EPHB2: variants seen among roughly 807,000 people sequenced by gnomAD.
EPHB2 encodes ephrin type-B receptor 2.
Under a neutral mutation model 96.4 loss-of-function variants are expected in EPHB2, and 18 were observed. That is an observed-to-expected ratio of 0.19 (90% CI 0.13 to 0.28). The LOEUF is 0.28. EPHB2 is among the 10% of genes least tolerant of loss of function. EPHB2 has a pLI of 1.00. For synonymous variants in EPHB2, 506 were observed against 534.1 expected (o/e 0.95, Z 0.72); for missense variants, 989 against 1,355.4 (o/e 0.73, Z 4.25).
At chr1:22,851,434 G>A (rs1645624186) in intron 3 of EPHB2, among the ~76,000 whole-genome samples, 1 of 152,216 alleles carries the variant, frequency 6.6e-6, no homozygotes, top group Admixed American at 6.5e-5. Flanking sequence ...GGGAGAGCAA[G>A]GGAGAAAGCC....
intron 1 of EPHB2, among the ~76,000 whole-genome samples, chr1:22,749,251 C>T (rs958289128): frequency 6.6e-6 from 1 of 152,122 alleles, no homozygotes; most frequent in African/African-American, 2.4e-5. Flanking sequence ...GAACTCCTGA[C>T]CTCAAGCGAT....
chr1:22,722,783 C>T (rs899910174), intron 1 of EPHB2, among the ~76,000 whole-genome samples: 3 of 152,204 alleles, frequency 2.0e-5, no homozygotes, highest in Non-Finnish European at 4.4e-5. Context: ...AACAGTGTTA[C>T]CTTGGCCCTC....
intron 3 of EPHB2, among the ~76,000 whole-genome samples, chr1:22,850,031 C>G (rs1376462921): frequency 6.6e-6 from 1 of 152,210 alleles, no homozygotes; most frequent in African/African-American, 2.4e-5. Flanking sequence ...TAATTGTGTC[C>G]TTTATTAATG....
At chr1:22,731,754 C>T (rs1426738125) in intron 1 of EPHB2, among the ~76,000 whole-genome samples, 1 of 152,124 alleles carries the variant, frequency 6.6e-6, no homozygotes, top group African/African-American at 2.4e-5. Flanking sequence ...GCAGGAGAAT[C>T]GCTTGAACCC....
intron 3 of EPHB2, among the ~76,000 whole-genome samples, chr1:22,811,693 T>C (rs1415744232): frequency 1.3e-5 from 2 of 152,122 alleles, no homozygotes; most frequent in African/African-American, 2.4e-5. Context: ...TTTCGGACCA[T>C]GTACAGGAGG....
intron 3 of EPHB2, among the ~76,000 whole-genome samples, chr1:22,845,375 T>G (rs1203147711): frequency 6.6e-6 from 1 of 152,220 alleles, no homozygotes; most frequent in East Asian, 1.9e-4. Flanking sequence ...TGGCCGCTTT[T>G]GGAACTAAAG....
intron 3 of EPHB2, among the ~76,000 whole-genome samples, chr1:22,853,938 A>C (rs922966706): frequency 6.6e-5 from 10 of 152,180 alleles, no homozygotes; most frequent in African/African-American, 1.9e-4. Flanking sequence ...TCATGCAGCT[A>C]CCCACCTCAG....
At chr1:22,882,012 G>A (rs745621036) in intron 5 of EPHB2, among the ~76,000 whole-genome samples, 5 of 152,108 alleles carry the variant, frequency 3.3e-5, no homozygotes, top group African/African-American at 7.2e-5. Context: ...AATGGGAGGC[G>A]GAAATAACTG....
chr1:22,800,820 A>G (rs1458225894), intron 3 of EPHB2, among the ~76,000 whole-genome samples: 1 of 151,830 alleles, frequency 6.6e-6, no homozygotes, highest in Admixed American at 6.6e-5. Flanking sequence ...TCTGGGGACC[A>G]AGATATGTCA....
intron 3 of EPHB2, among the ~76,000 whole-genome samples, chr1:22,795,314 T>C (rs1644751829): frequency 6.6e-6 from 1 of 152,194 alleles, no homozygotes; most frequent in African/African-American, 2.4e-5. Flanking sequence ...AATCAACATC[T>C]GTTTGATTCC....
At chr1:22,854,684 G>T (rs1184261591) in intron 3 of EPHB2, among the ~76,000 whole-genome samples, 1 of 152,140 alleles carries the variant, frequency 6.6e-6, no homozygotes, top group African/African-American at 2.4e-5. Flanking sequence ...CATGGACCAG[G>T]GAGGCTCCTG....
rs79556474 is a variant in EPHB2, at chr1:22,719,700, C to T, written c.61+8657C>T. 566 of 152,294 alleles carry T rather than the reference C, an allele frequency of 3.7e-3. 14 individuals carry two copies. The East Asian group carries it at 0.064, about 17-fold the overall frequency. 9.4% of individuals were successfully genotyped at this position (152,294 alleles called of 1,614,324 possible). On this transcript the variant is annotated intron_variant, in intron 1 of 15. Transcript: ENST00000374630. ...GCTTCCCGAGCCTCAGCTCTCTCTT[C>T]TATAAAATGACAGGGGTGAGACTCA...
At chr1:22,757,900 A>G (rs543880957) in intron 1 of EPHB2, among the ~76,000 whole-genome samples, 82 of 135,582 alleles carry the variant, frequency 6.0e-4, no homozygotes, top group African/African-American at 2.2e-3. Flanking sequence ...CACTATGTGT[A>G]AGCTATGCTT....
chr1:22,789,711 T>C (rs1311589273), intron 3 of EPHB2, among the ~76,000 whole-genome samples: 1 of 151,756 alleles, frequency 6.6e-6, no homozygotes, highest in East Asian at 1.9e-4. Context: ...TCTGAGTGGG[T>C]GGATAGGAGA....
chr1:22,847,414 T>C lies in EPHB2; in HGVS notation c.812-15623T>C, dbSNP rs1035134973. The stretch of plus-strand genomic sequence containing the variant: ...CAGCTGCTCAATAAATGGTGGCTGC[T>C]GTTGTTAATAGGTGCTCAGTTCGTT... On this transcript the variant is annotated intron_variant, in intron 3 of 15. Transcript: ENST00000374630. 2.0e-5 allele frequency among the ~76,000 whole-genome samples: 3 copies of C among 152,316 alleles called. No homozygotes were observed. In the East Asian group the frequency reaches 5.8e-4, roughly 29 times the overall value.
Position 22,908,152 on chromosome 1 carries a change from C to T in EPHB2, c.2336C>T (p.Thr779Ile). Residue 779 changes from threonine to isoleucine, a missense_variant, in exon 12 of 16, where the codon ACC (threonine) becomes ATC (isoleucine). By Grantham distance (89) the Thr-to-Ile change is moderately conservative (BLOSUM62 -1). Coordinates refer to ENST00000374630, the MANE Select transcript of EPHB2 (RefSeq NM_017449.5). ...RFLEDDTSDPTYTSALGGKIP... is the reference protein window; with the variant it reads ...RFLEDDTSDPIYTSALGGKIP... ...CTAGAGGACGATACCTCAGACCCCA[C>T]CTACACCAGTGCCCTGGTAAGATGG... 1 of 1,614,250 alleles carries T rather than the reference C, an allele frequency of 6.2e-7. No homozygotes were observed. The highest frequency in any genetic ancestry group is 8.5e-7 in the Non-Finnish European group (1 of 1,180,050).
At chr1:22,817,513 C>T (rs893966) in intron 3 of EPHB2, among the ~76,000 whole-genome samples, 36,003 of 152,208 alleles carry the variant, frequency 0.24, 4,699 homozygotes, top group East Asian at 0.54. Flanking sequence ...CAGGCTCCTT[C>T]CTGTTCAGAA....
intron 6 of EPHB2, chr1:22,891,068 G>C: frequency 2.2e-6 from 1 of 455,990 alleles, no homozygotes; most frequent in African/African-American, 2.0e-5. Flanking sequence ...TATACCTATT[G>C]ATTCATTTTA....
At chr1:22,820,206 A>G (rs1262258332) in intron 3 of EPHB2, among the ~76,000 whole-genome samples, 1 of 152,198 alleles carries the variant, frequency 6.6e-6, no homozygotes, top group East Asian at 1.9e-4. Context: ...TCTTTCTGGC[A>G]TTGAAGCCTC....
Sources: gnomAD v4.1 joint callset for allele counts (sites outside exome capture counted in the v4.1 genomes callset) on GRCh38, gnomAD v4.1.1 for gene constraint, MANE v1.5 for transcripts, NCBI Gene and HGNC (gene_info 2026-07-23, HGNC 2026-07-21) for gene names.